The following GLT1D1 variants were observed in gnomAD, a reference collection of about 807,000 sequenced individuals.
GLT1D1 encodes glycosyltransferase 1 domain containing 1, also known as glycosyltransferase 1 domain-containing protein 1.
In GLT1D1, 21 loss-of-function variants were observed where a neutral mutation model predicts 28.7. The observed-to-expected ratio is 0.73, with a 90% CI of 0.52 to 1.05. The LOEUF (loss-of-function observed/expected upper bound fraction) is 1.05. GLT1D1 is among the 50% of genes least tolerant of loss of function. GLT1D1 has a pLI of 0.00. For missense variants in GLT1D1, 343 were observed against 330.6 expected (o/e 1.04, Z -0.29); for synonymous variants, 147 against 124.8 (o/e 1.18, Z -1.19).
intron 6 of GLT1D1, among the ~76,000 whole-genome samples, chr12:128,948,613 G>A (rs996908835): frequency 3.9e-5 from 6 of 152,166 alleles, no homozygotes; most frequent in South Asian, 2.1e-4. Context: ...TTCTGAATAC[G>A]TAGATTTCTT....
intron 2 of GLT1D1, among the ~76,000 whole-genome samples, chr12:128,878,342 C>T (rs1956923719): frequency 1.3e-5 from 2 of 152,216 alleles, no homozygotes; most frequent in African/African-American, 4.8e-5. Flanking sequence ...TCTGTCTCAT[C>T]CATTGTGCAG....
chr12:128,944,802 A>ATG, intron 4 of GLT1D1: 3 of 211,602 alleles, frequency 1.4e-5, no homozygotes, highest in Non-Finnish European at 9.7e-6. Flanking sequence ...ATTTATATAT[A>ATG]TATGTATATA....
At chr12:128,981,987 C>T (rs1320214726) in intron 7 of GLT1D1, among the ~76,000 whole-genome samples, 6 of 152,170 alleles carry the variant, frequency 3.9e-5, no homozygotes, top group African/African-American at 1.4e-4. Context: ...GACTGGTCCC[C>T]TCCTCTCCCT....
At position 128,958,748 on chromosome 12, in the gene GLT1D1, CAAAAAAAAAAAAAAAAA is replaced by C. The variant is rs71072431; in HGVS notation, c.639+1118_639+1134del. The stretch of plus-strand genomic sequence containing the variant: ...TAGGCAACAGAGTGGGACTCTGCCT[CAAAAAAAAAAAAAAAAA>C]AAAAAAAAAAAAGGAAGGCATTGTC... On this transcript the variant is annotated intron_variant, in intron 7 of 7. Transcript: ENST00000281703. Among the ~76,000 whole-genome samples the C allele has an allele frequency of 9.1e-4, 39 of 42,656 alleles. 2 individuals are homozygous for C. The highest frequency in any genetic ancestry group is 1.9e-3 in the South Asian group (2 of 1,076). The allele number at this position is 42,656 out of a possible 152,430, so 28.0% of individuals were successfully genotyped here. A position where few individuals can be genotyped will look rare whatever the true frequency, so the allele number is the denominator to read the frequency against.
chr12:128,853,601 C>G lies in GLT1D1; in HGVS notation c.20C>G (p.Ala7Gly), dbSNP rs762988562. The change falls in exon 1 of 8, where the codon GCG (alanine) becomes GGG (glycine). Residue 7 changes from alanine to glycine, a missense_variant. Ala to Gly is a moderately conservative substitution (Grantham distance 60). Coordinates refer to ENST00000281703, the MANE Select transcript of GLT1D1 (RefSeq NM_144669.3). ...GGCGGCATGCGGCTCCTGTTCCTGG[C>G]GGTGCTGCGGCCACACACCGGCAAC... 4.3e-6 allele frequency: 5 copies of G among 1,169,566 alleles called. No homozygotes were observed. Among genetic ancestry groups the G allele is most frequent in the South Asian group, 2.4e-5 (1 of 41,906 alleles). The allele number at this position is 1,169,566 out of a possible 1,614,324, so 72.4% of individuals were successfully genotyped here.
At chr12:128,932,666 G>A (rs1480965813) in intron 4 of GLT1D1, among the ~76,000 whole-genome samples, 2 of 152,156 alleles carry the variant, frequency 1.3e-5, no homozygotes, top group Admixed American at 6.5e-5. Flanking sequence ...ACGCAGCCCC[G>A]AGCTGTCCTG....
chr12:128,887,099 C>T, intron 2 of GLT1D1, among the ~76,000 whole-genome samples: 1 of 151,764 alleles, frequency 6.6e-6, no homozygotes, highest in Non-Finnish European at 1.5e-5. Context: ...CCAACCTCTG[C>T]CTCCCGGGTT....
intron 7 of GLT1D1, among the ~76,000 whole-genome samples, chr12:128,958,258 G>C (rs1877498469): frequency 6.6e-6 from 1 of 152,208 alleles, no homozygotes; most frequent in Non-Finnish European, 1.5e-5. Context: ...GACGCCCTGA[G>C]TGCCTCCTGC....
rs372183441 is a variant in GLT1D1 at position 128,877,334 on chromosome 12, C to T, written c.217+1272C>T. Among the ~76,000 whole-genome samples, 61 of 152,324 alleles carry T rather than the reference C, an allele frequency of 4.0e-4. 1 individual carries two copies. The East Asian group carries it at 0.01, about 26-fold the overall frequency. ...TCAAAATTTGCTCTAGTCATCATCA[C>T]ATCAGGATTAAATTTTGGTCAGCAA... On this transcript the variant is annotated intron_variant, in intron 2 of 7. Transcript: ENST00000281703.
At chr12:128,933,769 C>T (rs1036002621) in intron 4 of GLT1D1, among the ~76,000 whole-genome samples, 3 of 152,270 alleles carry the variant, frequency 2.0e-5, no homozygotes, top group Non-Finnish European at 4.4e-5. Context: ...TTCCAAACAT[C>T]GACTGCTTTT....
intron 2 of GLT1D1, among the ~76,000 whole-genome samples, chr12:128,879,079 T>C (rs1315959766): frequency 6.6e-6 from 1 of 152,226 alleles, no homozygotes; most frequent in Non-Finnish European, 1.5e-5. Flanking sequence ...AACTCTTTCA[T>C]GCAGTCACAA....
At chr12:128,915,711 G>T (rs1872043595) in intron 4 of GLT1D1, among the ~76,000 whole-genome samples, 1 of 152,126 alleles carries the variant, frequency 6.6e-6, no homozygotes. Flanking sequence ...TCACCAAAAA[G>T]AAACTGCTAT....
At chr12:128,855,394 C>T (rs895675172) in intron 1 of GLT1D1, among the ~76,000 whole-genome samples, 2 of 149,934 alleles carry the variant, frequency 1.3e-5, no homozygotes, top group African/African-American at 4.9e-5. Flanking sequence ...AAACCCTCAT[C>T]TCTACAAAAA....
rs1188269566 is a variant in GLT1D1, at chr12:128,853,572, C to A, written c.-10C>A. ...CGGGGCCGGTCGATGGCCCGGGCGG[C>A]GGCGGCGGCATGCGGCTCCTGTTCC... On this transcript the variant is annotated 5_prime_UTR_variant, in exon 1 of 8. Coordinates refer to ENST00000281703, the MANE Select transcript of GLT1D1 (RefSeq NM_144669.3). 9.0e-7 allele frequency: 1 copy of A among 1,108,770 alleles called. No individual in the cohort carries two copies. The highest frequency in any genetic ancestry group is 3.1e-5 in the South Asian group (1 of 32,486). The allele number at this position is 1,108,770 out of a possible 1,614,324, so 68.7% of individuals were successfully genotyped here. A position where few individuals can be genotyped will look rare whatever the true frequency, so the allele number is the denominator to read the frequency against.
At chr12:128,953,110 C>T (rs967145920) in intron 6 of GLT1D1, among the ~76,000 whole-genome samples, 6 of 151,964 alleles carry the variant, frequency 3.9e-5, no homozygotes, top group South Asian at 2.1e-4. Flanking sequence ...ACGTGCTTAT[C>T]GCCCCATTTA....
chr12:128,874,138 CTTTCTTTCTTTCTTTCTTTCTT>C (rs1439755581), intron 1 of GLT1D1, among the ~76,000 whole-genome samples: 2 of 78,688 alleles, frequency 2.5e-5, no homozygotes, highest in African/African-American at 8.9e-5. Flanking sequence ...TTCTTTCTTT[CTTTCTTTCTTTCTTTCTTTCTT>C]TCTTTCTTTC....
intron 1 of GLT1D1, among the ~76,000 whole-genome samples, chr12:128,855,353 G>A (rs931265633): frequency 6.6e-6 from 1 of 152,038 alleles, no homozygotes; most frequent in Admixed American, 6.6e-5. Flanking sequence ...CTTGAGCCCA[G>A]GAGTTAAAGA....
intron 4 of GLT1D1, among the ~76,000 whole-genome samples, chr12:128,900,682 C>T (rs1413018061): frequency 2.0e-5 from 3 of 150,430 alleles, no homozygotes; most frequent in Non-Finnish European, 4.4e-5. Context: ...GTCACCCAGG[C>T]TAGAGTGTAA....
At chr12:128,926,306 T>A (rs1873214078) in intron 4 of GLT1D1, 53 bp from the exon 7 acceptor site, 2 of 879,450 alleles carry the variant, frequency 2.3e-6, no homozygotes, top group Non-Finnish European at 3.6e-6. Context: ...TCATTGCTAC[T>A]GCAGCATCCA....
Sources: allele counts gnomAD v4.1 joint callset (sites outside exome capture counted in the v4.1 genomes callset), GRCh38; gene constraint gnomAD v4.1.1; transcripts MANE v1.5; gene names NCBI Gene and HGNC (gene_info 2026-07-23, HGNC 2026-07-21).